The following COX10 variants were observed in gnomAD, a reference collection of about 807,000 sequenced individuals.
COX10 encodes cytochrome c oxidase assembly factor heme A:farnesyltransferase COX10, also known as protoheme IX farnesyltransferase, mitochondrial.
A neutral mutation model predicts 37.3 loss-of-function variants in COX10; 27 were observed. That is an observed-to-expected ratio of 0.72 (90% CI 0.53 to 1.00). The LOEUF (loss-of-function observed/expected upper bound fraction) is 1.00. COX10 is among the 50% of genes least tolerant of loss of function. The pLI, the probability that COX10 is intolerant of heterozygous loss-of-function variation, is 0.00. For missense variants in COX10, 475 were observed against 563.2 expected (o/e 0.84, Z 1.59); for synonymous variants, 222 against 229.1 (o/e 0.97, Z 0.28).
intron 4 of COX10, among the ~76,000 whole-genome samples, chr17:14,122,104 G>A (rs921296938): frequency 1.3e-5 from 2 of 152,214 alleles, no homozygotes; most frequent in Admixed American, 6.5e-5. Flanking sequence ...GAGGCATGTC[G>A]ACCAGTTAGG....
intron 5 of COX10, among the ~76,000 whole-genome samples, chr17:14,176,357 A>G (rs1597537538): frequency 6.6e-6 from 1 of 152,178 alleles, no homozygotes. Context: ...TCAAATCCTC[A>G]CAGCCAGCAC....
At chr17:14,085,671 A>G (rs1338779047) in intron 3 of COX10, among the ~76,000 whole-genome samples, 1 of 152,018 alleles carries the variant, frequency 6.6e-6, no homozygotes, top group Non-Finnish European at 1.5e-5. Context: ...TATTATCCTT[A>G]TTATACATAG....
intron 4 of COX10, among the ~76,000 whole-genome samples, chr17:14,159,637 G>A (rs1905129282): frequency 6.6e-6 from 1 of 152,114 alleles, no homozygotes; most frequent in South Asian, 2.1e-4. Flanking sequence ...TTTAACAGGT[G>A]ATTTTCAAAG....
intron 5 of COX10, among the ~76,000 whole-genome samples, chr17:14,173,613 A>T (rs1299202001): frequency 1.3e-5 from 2 of 152,210 alleles, no homozygotes; most frequent in Admixed American, 1.3e-4. Context: ...TAAAACTGGG[A>T]AGAGGTTAAG....
intron 4 of COX10, among the ~76,000 whole-genome samples, chr17:14,110,738 G>A (rs1321644093): frequency 6.6e-6 from 1 of 151,900 alleles, no homozygotes; most frequent in East Asian, 1.9e-4. Context: ...TGTTATCTGG[G>A]TTAGATTGAC....
At chr17:14,073,995 T>G (rs1423278174) in intron 1 of COX10, among the ~76,000 whole-genome samples, 1 of 152,210 alleles carries the variant, frequency 6.6e-6, no homozygotes, top group Non-Finnish European at 1.5e-5. Flanking sequence ...ATTTTCTACT[T>G]TTGAAAAATT....
Position 14,161,721 on chromosome 17 carries a change from ACGCCAGG to A in COX10, c.695+1776_695+1782del, listed in dbSNP as rs1905173569. ...ATCTTCTGCTGCCTTAGACATCAGAACGCCAGGCTTGCTGGCCTTTGGACTCCAGGAC... is the reference window on the plus strand; with the variant it reads ...ATCTTCTGCTGCCTTAGACATCAGAACTTGCTGGCCTTTGGACTCCAGGAC... On this transcript the variant is annotated intron_variant, in intron 5 of 6. Transcript: ENST00000261643. Among the ~76,000 whole-genome samples the A allele has an allele frequency of 4.6e-5, 7 of 152,304 alleles. No homozygotes were observed. The South Asian group carries it at 1.2e-3, about 27-fold the overall frequency.
At chr17:14,078,986 G>A (rs1915219586) in intron 3 of COX10, among the ~76,000 whole-genome samples, 1 of 152,126 alleles carries the variant, frequency 6.6e-6, no homozygotes, top group Admixed American at 6.5e-5. Context: ...CAAGGCCTCT[G>A]TTAATCCTGC....
chr17:14,076,507 T>A (rs1329775817), intron 2 of COX10, among the ~76,000 whole-genome samples: 1 of 152,216 alleles, frequency 6.6e-6, no homozygotes, highest in Non-Finnish European at 1.5e-5. Context: ...TTTTCTAAAC[T>A]ACAGAAATTG....
chr17:14,091,388 A>T lies in COX10; in HGVS notation c.500-10730A>T, dbSNP rs183319241. Among the ~76,000 whole-genome samples the T allele has an allele frequency of 5.1e-4, 77 of 152,340 alleles. 1 individual carries two copies. The highest frequency in any genetic ancestry group is 3.4e-3 in the Admixed American group (52 of 15,290). ...CAGTTTTGCTTAAAGGAACAGCAACACCAATAAGGGAAGTCTTTTAGTTGT... is the reference window on the plus strand; with the variant it reads ...CAGTTTTGCTTAAAGGAACAGCAACTCCAATAAGGGAAGTCTTTTAGTTGT... On this transcript the variant is annotated intron_variant, in intron 3 of 6. Coordinates refer to ENST00000261643, the MANE Select transcript of COX10 (RefSeq NM_001303.4).
chr17:14,149,898 G>T (rs1330865815), intron 4 of COX10, among the ~76,000 whole-genome samples: 1 of 152,144 alleles, frequency 6.6e-6, no homozygotes, highest in Non-Finnish European at 1.5e-5. Flanking sequence ...TCACAGGATT[G>T]CCAGAGAGCA....
intron 4 of COX10, among the ~76,000 whole-genome samples, chr17:14,131,272 C>A (rs952123444): frequency 6.6e-6 from 1 of 151,994 alleles, no homozygotes; most frequent in Non-Finnish European, 1.5e-5. Context: ...TATTTGGATG[C>A]ATTCATTGAA....
At chr17:14,142,475 T>C (rs1028067716) in intron 4 of COX10, among the ~76,000 whole-genome samples, 2 of 152,222 alleles carry the variant, frequency 1.3e-5, no homozygotes, top group African/African-American at 4.8e-5. Context: ...ACTACTGTTA[T>C]TTATGAGCAT....
At chr17:14,107,994 C>G (rs552217889) in intron 4 of COX10, among the ~76,000 whole-genome samples, 2 of 152,144 alleles carry the variant, frequency 1.3e-5, no homozygotes, top group African/African-American at 2.4e-5. Flanking sequence ...GATAATACTT[C>G]CAGTGTATCA....
At chr17:14,094,991 G>C (rs1300766906) in intron 3 of COX10, among the ~76,000 whole-genome samples, 3 of 152,028 alleles carry the variant, frequency 2.0e-5, no homozygotes, top group African/African-American at 7.2e-5. Flanking sequence ...ATAATTGAAG[G>C]GTTGTGCTAA....
At chr17:14,102,846 T>C (rs771001113) in intron 4 of COX10, among the ~76,000 whole-genome samples, 6 of 152,124 alleles carry the variant, frequency 3.9e-5, no homozygotes, top group Non-Finnish European at 8.8e-5. Flanking sequence ...TTGTGGCTTT[T>C]TCATAAGATA....
chr17:14,123,733 T>C (rs1049472027), intron 4 of COX10, among the ~76,000 whole-genome samples: 1 of 152,162 alleles, frequency 6.6e-6, no homozygotes, highest in East Asian at 1.9e-4. Context: ...TGTTAGGCAA[T>C]GTGAGACGGA....
At chr17:14,089,564 A>G (rs1915479851) in intron 3 of COX10, among the ~76,000 whole-genome samples, 2 of 152,212 alleles carry the variant, frequency 1.3e-5, no homozygotes, top group African/African-American at 2.4e-5. Context: ...CAAAGCTGTT[A>G]GTGAACGTTG....
At chr17:14,149,549 GC>G (rs1904829035) in intron 4 of COX10, among the ~76,000 whole-genome samples, 1 of 152,062 alleles carries the variant, frequency 6.6e-6, no homozygotes, top group Non-Finnish European at 1.5e-5. Context: ...TCATTCCTTG[GC>G]CATGATGATT....
Sources: gnomAD v4.1 joint callset for allele counts (sites outside exome capture counted in the v4.1 genomes callset) on GRCh38, gnomAD v4.1.1 for gene constraint, MANE v1.5 for transcripts, NCBI Gene and HGNC (gene_info 2026-07-23, HGNC 2026-07-21) for gene names.